Variants in RFX1 observed in about 807,000 individuals in gnomAD.
RFX1 encodes regulatory factor X1, also known as MHC class II regulatory factor RFX1.
RFX1 carries 42 observed loss-of-function variants against 119.6 expected under a neutral mutation model. The observed-to-expected ratio is 0.35, with a 90% CI of 0.27 to 0.45. RFX1 has a LOEUF of 0.45. RFX1 is among the 20% of genes least tolerant of loss of function. The probability of loss-of-function intolerance (pLI) is 1.00; values close to 1 mark genes in which losing one functional copy is unlikely to be tolerated. For missense variants in RFX1, 1,118 were observed against 1,368.1 expected (o/e 0.82, Z 2.88); for synonymous variants, 628 against 618.5 (o/e 1.02, Z -0.23).
chr19:13,973,803 T>C (rs1042106460), intron 8 of RFX1, among the ~76,000 whole-genome samples: 2 of 152,030 alleles, frequency 1.3e-5, no homozygotes, highest in East Asian at 1.9e-4. Flanking sequence ...TTAATTTTTG[T>C]ATTTTTTTAG....
chr19:14,001,753 T>C (rs10405062), intron 1 of RFX1, among the ~76,000 whole-genome samples: 4,411 of 152,296 alleles, frequency 0.029, 254 homozygotes, highest in African/African-American at 0.1. Context: ...GTAATCCCAA[T>C]ATTTTGGGAG....
intron 2 of RFX1, among the ~76,000 whole-genome samples, chr19:13,993,049 AG>A (rs1281161914): frequency 6.6e-6 from 1 of 152,142 alleles, no homozygotes; most frequent in African/African-American, 2.4e-5. Context: ...CCGAGGTGGG[AG>A]GATCATTTGA....
At position 13,965,862 on chromosome 19, in the gene RFX1, C is replaced by T; in HGVS notation, c.1962-85G>A. 6.6e-7 allele frequency: 1 copy of T among 1,508,834 alleles called. No individual in the cohort carries two copies. Among genetic ancestry groups the T allele is most frequent in the Non-Finnish European group, 9.0e-7 (1 of 1,108,990 alleles). The allele number at this position is 1,508,834 out of a possible 1,614,324, so 93.5% of individuals were successfully genotyped here. Reference sequence around the variant, plus strand: ...CAGAAGGGAACAGGTAGCCCCTGTCCCTGACCCAGGGTCACTGGGGTACTC... The same window carrying T: ...CAGAAGGGAACAGGTAGCCCCTGTCTCTGACCCAGGGTCACTGGGGTACTC... On this transcript the variant is annotated intron_variant, in intron 14 of 20. Transcript: ENST00000254325. The surrounding 1 kb of genome is among the most constrained non-coding windows in gnomAD (Gnocchi z 4.7).
At position 13,965,415 on chromosome 19, in the gene RFX1, G is replaced by C; in HGVS notation, c.2211+34C>G. The C allele has an allele frequency of 6.3e-7, 1 of 1,588,130 alleles. No homozygotes were observed. The highest frequency in any genetic ancestry group is 8.6e-7 in the Non-Finnish European group (1 of 1,157,740). On this transcript the variant is annotated intron_variant, in intron 16 of 20. Coordinates refer to ENST00000254325, the MANE Select transcript of RFX1 (RefSeq NM_002918.5). This position sits in a 1 kb window ranked among gnomAD's most constrained non-coding sequence, Gnocchi z 4.7. ...AGAGGAGACGGAGGCCTAAGCCCCA[G>C]AGATAGGAGAAAGGGACCCCCTCAC...
chr19:13,973,511 C>T (rs1275757038), intron 8 of RFX1, among the ~76,000 whole-genome samples: 2 of 152,144 alleles, frequency 1.3e-5, no homozygotes, highest in African/African-American at 4.8e-5. Context: ...ACTTGGGAGG[C>T]TGAGGCAGGA....
chr19:14,003,415 C>T (rs1406778198), intron 1 of RFX1, among the ~76,000 whole-genome samples: 4 of 152,276 alleles, frequency 2.6e-5, no homozygotes, highest in African/African-American at 9.6e-5. Context: ...TGTCATCGAC[C>T]CACACAGCCC....
At chr19:13,991,120 GTGC>G (rs1974786127) in intron 2 of RFX1, among the ~76,000 whole-genome samples, 1 of 152,190 alleles carries the variant, frequency 6.6e-6, no homozygotes, top group South Asian at 2.1e-4. Flanking sequence ...GATATGGGTG[GTGC>G]TGCTTAATCC....
intron 18 of RFX1, 125 bp downstream of exon 18, chr19:13,963,413 A>G: frequency 7.0e-7 from 1 of 1,423,316 alleles, no homozygotes; most frequent in South Asian, 1.3e-5. Context: ...CCGGCACATG[A>G]GCCCAGGGCC....
At chr19:13,979,101 T>TG (rs1461197859) in intron 7 of RFX1, among the ~76,000 whole-genome samples, 4 of 151,436 alleles carry the variant, frequency 2.6e-5, no homozygotes, top group South Asian at 2.1e-4. Context: ...ACAGAGACAC[T>TG]GGGGGGTCAA....
In RFX1 at chr19:13,993,781, G is replaced by A; in HGVS notation, c.63C>T (p.Ala21=). The A allele has an allele frequency of 6.3e-7, 1 of 1,586,292 alleles. No individual in the cohort carries two copies. ...GCGGCTGGGGCTGGGCTTGTGGCGG[G>A]GCCTGTGGCGGCTGGGATGGTGGCG... ...AAPPPSQPPQ[A]PPQAQPQPPP... is the part of the protein sequence containing the mutation. Residue 21 remains alanine (A), a synonymous_variant, in exon 2 of 21, where the codon GCC becomes GCT. Coordinates refer to ENST00000254325, the MANE Select transcript of RFX1 (RefSeq NM_002918.5).
intron 1 of RFX1, among the ~76,000 whole-genome samples, chr19:13,995,851 CAAAAAAAAAAAA>C (rs57542235): frequency 8.4e-5 from 3 of 35,630 alleles, no homozygotes; most frequent in Middle Eastern, 0.019. Flanking sequence ...ACTCTGTCTC[CAAAAAAAAAAAA>C]AAAAAAAAAA....
chr19:13,988,957 G>A lies in RFX1; in HGVS notation c.319+4568C>T, dbSNP rs139099997. Among the ~76,000 whole-genome samples the A allele has an allele frequency of 3.8e-3, 586 of 152,322 alleles. 6 individuals are homozygous for A. The highest frequency in any genetic ancestry group is 0.014 in the African/African-American group (566 of 41,574). On this transcript the variant is annotated intron_variant, in intron 2 of 20. Coordinates refer to ENST00000254325, the MANE Select transcript of RFX1 (RefSeq NM_002918.5). ...GAATCGCTTGAACCCAGGAGGCAGAGGTTGCAGTGAACTGAGATCGCACCA... is the reference window on the plus strand; with the variant it reads ...GAATCGCTTGAACCCAGGAGGCAGAAGTTGCAGTGAACTGAGATCGCACCA...
chr19:14,000,483 T>TAC (rs142722700), intron 1 of RFX1, among the ~76,000 whole-genome samples: 10 of 151,292 alleles, frequency 6.6e-5, no homozygotes, highest in South Asian at 2.1e-4. Flanking sequence ...CACATACACA[T>TAC]ACACACACAC....
chr19:13,989,060 G>A (rs1461266969), intron 2 of RFX1, among the ~76,000 whole-genome samples: 2 of 152,120 alleles, frequency 1.3e-5, no homozygotes, highest in Admixed American at 1.3e-4. Flanking sequence ...GAGCAATGGG[G>A]GTAGGGGCAG....
At position 13,963,111 on chromosome 19, in the gene RFX1, G is replaced by A. The variant is rs746716048; in HGVS notation, c.2724+11C>T. 1 of 1,610,318 alleles carries A rather than the reference G, an allele frequency of 6.2e-7. No homozygotes were observed. Among genetic ancestry groups the A allele is most frequent in the Non-Finnish European group, 8.5e-7 (1 of 1,178,160 alleles). ...GCCCCGCCCGCGCCCCCAGTGGCCCGCCTCGCGCACCTCGCCCATGACGGC... is the reference window on the plus strand; with the variant it reads ...GCCCCGCCCGCGCCCCCAGTGGCCCACCTCGCGCACCTCGCCCATGACGGC... On this transcript the variant is annotated intron_variant, in intron 19 of 20. Transcript: ENST00000254325.
In RFX1 at chr19:13,961,922, G is replaced by C. The variant is rs12019; in HGVS notation, c.*773C>G. 1 of 152,120 alleles carries C rather than the reference G, an allele frequency of 6.6e-6. No individual in the cohort carries two copies. The highest frequency in any genetic ancestry group is 1.5e-5 in the Non-Finnish European group (1 of 68,072). The allele number at this position is 152,120 out of a possible 1,614,324, so 9.4% of individuals were successfully genotyped here. A position where few individuals can be genotyped will look rare whatever the true frequency, so the allele number is the denominator to read the frequency against. On this transcript the variant is annotated 3_prime_UTR_variant, in exon 21 of 21. Coordinates refer to ENST00000254325, the MANE Select transcript of RFX1 (RefSeq NM_002918.5). ...GGGTCGCACGGCACGGAGGAGAAGC[G>C]TGGTCTCCGGGAAGATAGGGGCACA... is the stretch of plus-strand genomic sequence containing the variant.
intron 5 of RFX1, among the ~76,000 whole-genome samples, chr19:13,981,673 C>G (rs1219335623): frequency 2.6e-5 from 4 of 152,330 alleles, no homozygotes; most frequent in African/African-American, 9.6e-5. Context: ...CATCTGACCC[C>G]GAGCTCCTGA....
In RFX1 at chr19:13,990,810, T is replaced by C. The variant is rs1364745831; in HGVS notation, c.319+2715A>G. On this transcript the variant is annotated intron_variant, in intron 2 of 20. Transcript: ENST00000254325. The surrounding 1 kb of genome is among the most constrained non-coding windows in gnomAD (Gnocchi z 4.1). ...CCAGCCTGGGTGTCAGAGCGAGACT[T>C]TGTCTCAAAGAAAAAAAAAAAAATT... Among the ~76,000 whole-genome samples, 2 of 149,286 alleles carry C rather than the reference T, an allele frequency of 1.3e-5. No homozygotes were observed. Among genetic ancestry groups the C allele is most frequent in the East Asian group, 4.0e-4 (2 of 5,056 alleles).
At chr19:13,983,030 C>CTG (rs1974476826) in intron 4 of RFX1, 157 bp downstream of exon 4, 1 of 609,538 alleles carries the variant, frequency 1.6e-6, no homozygotes, top group African/African-American at 1.8e-5. Flanking sequence ...TAGTCTCACC[C>CTG]TGGGGAGGTG....
Sources: gnomAD v4.1 joint callset for allele counts (sites outside exome capture counted in the v4.1 genomes callset) on GRCh38, gnomAD v4.1.1 for gene constraint, Gnocchi (gnomAD v3.1) non-coding constraint, MANE v1.5 for transcripts, NCBI Gene and HGNC (gene_info 2026-07-23, HGNC 2026-07-21) for gene names.